The following WDR7 variants were observed in gnomAD, a reference collection of about 807,000 sequenced individuals.
The protein encoded by WDR7 is WD repeat-containing protein 7.
Under a neutral mutation model 169.4 loss-of-function variants are expected in WDR7, and 46 were observed. The observed-to-expected ratio is 0.27, with a 90% CI of 0.21 to 0.35. The LOEUF (loss-of-function observed/expected upper bound fraction) is 0.35, where lower values mean the gene tolerates loss of function less well. WDR7 is among the 10% of genes least tolerant of loss of function. The pLI is 1.00. For synonymous variants in WDR7, 612 were observed against 666.8 expected (o/e 0.92, Z 1.27); for missense variants, 1,534 against 1,859.3 (o/e 0.83, Z 3.22).
intron 18 of WDR7, 111 bp downstream of exon 18, chr18:56,779,660 A>T: frequency 3.8e-6 from 3 of 791,684 alleles, no homozygotes; most frequent in East Asian, 2.8e-5. Context: ...TCTGTTCATT[A>T]TGTGATAGAA....
At chr18:56,737,376 A>G (rs541971096) in intron 14 of WDR7, among the ~76,000 whole-genome samples, 2 of 152,324 alleles carry the variant, frequency 1.3e-5, no homozygotes, top group East Asian at 1.9e-4. Context: ...CTAGAAAACC[A>G]TTACTGCCGT....
chr18:56,754,385 A>G (rs576217185), intron 14 of WDR7, among the ~76,000 whole-genome samples: 6 of 150,244 alleles, frequency 4.0e-5, no homozygotes, highest in Admixed American at 2.7e-4. Context: ...ATATATGTGT[A>G]TATATACGTG....
At chr18:56,841,661 ACT>A (rs1267222903) in intron 20 of WDR7, among the ~76,000 whole-genome samples, 2 of 152,140 alleles carry the variant, frequency 1.3e-5, no homozygotes, top group Admixed American at 6.5e-5. Flanking sequence ...AAGTTACATA[ACT>A]CTGTTGAATT....
chr18:57,022,062 T>C (rs1290382155), intron 27 of WDR7, among the ~76,000 whole-genome samples: 2 of 152,250 alleles, frequency 1.3e-5, no homozygotes, highest in African/African-American at 4.8e-5. Flanking sequence ...AATTCGCTCA[T>C]ATTAAACTCC....
intron 26 of WDR7, among the ~76,000 whole-genome samples, chr18:56,967,384 G>A (rs544008087): frequency 1.3e-5 from 2 of 152,156 alleles, no homozygotes; most frequent in South Asian, 4.2e-4. Context: ...GAACATACCT[G>A]ACTGGAATTT....
At chr18:56,661,169 A>G (rs971297955) in intron 1 of WDR7, among the ~76,000 whole-genome samples, 8 of 152,128 alleles carry the variant, frequency 5.3e-5, no homozygotes, top group Admixed American at 3.3e-4. Flanking sequence ...TTTGATGGCA[A>G]CCTAAGGGAA....
intron 13 of WDR7, among the ~76,000 whole-genome samples, chr18:56,719,921 GT>G: frequency 6.6e-6 from 1 of 152,132 alleles, no homozygotes; most frequent in Admixed American, 6.5e-5. Flanking sequence ...GAATGTAAGT[GT>G]GTTTATATGT....
chr18:56,730,634 C>T (rs1448923762), intron 13 of WDR7, among the ~76,000 whole-genome samples: 2 of 151,966 alleles, frequency 1.3e-5, no homozygotes, highest in East Asian at 1.9e-4. Context: ...GGCGTGATGG[C>T]GGGCACCTGT....
intron 16 of WDR7, among the ~76,000 whole-genome samples, chr18:56,765,549 T>C (rs1367315080): frequency 1.3e-5 from 2 of 152,106 alleles, no homozygotes; most frequent in South Asian, 4.1e-4. Context: ...CTGGTCTTTA[T>C]GCTACTGTTG....
intron 14 of WDR7, among the ~76,000 whole-genome samples, chr18:56,754,067 A>G (rs2043835575): frequency 6.6e-6 from 1 of 152,004 alleles, no homozygotes; most frequent in African/African-American, 2.4e-5. Flanking sequence ...AATTACTATT[A>G]ATATTTTCAC....
intron 23 of WDR7, among the ~76,000 whole-genome samples, chr18:56,938,089 A>ATCAGAGGC (rs1297187333): frequency 6.6e-6 from 1 of 152,158 alleles, no homozygotes; most frequent in Non-Finnish European, 1.5e-5. Context: ...AGTCTTGCTA[A>ATCAGAGGC]TCAGAGGCTC....
At position 57,027,706 on chromosome 18, in the gene WDR7, A is replaced by G. The variant is rs2048387765; in HGVS notation, c.*499A>G. ...TTACCTAAAATATTGTTTACCAAAA[A>G]GATTCTGTGTTTACATGTTCTTTTC... On this transcript the variant is annotated 3_prime_UTR_variant, in exon 28 of 28. Coordinates refer to ENST00000254442, the MANE Select transcript of WDR7 (RefSeq NM_015285.3). 1.3e-5 allele frequency: 2 copies of G among 154,616 alleles called. No individual in the cohort carries two copies. The highest frequency in any genetic ancestry group is 4.1e-4 in the South Asian group (2 of 4,908). 9.6% of individuals were successfully genotyped at this position (154,616 alleles called of 1,614,324 possible).
intron 13 of WDR7, among the ~76,000 whole-genome samples, chr18:56,722,328 G>T (rs2026340038): frequency 6.6e-6 from 1 of 152,164 alleles, no homozygotes; most frequent in African/African-American, 2.4e-5. Context: ...GAATCAGGAG[G>T]TAGTGTTGAA....
intron 14 of WDR7, among the ~76,000 whole-genome samples, chr18:56,740,682 G>C (rs893603809): frequency 1.3e-5 from 2 of 152,080 alleles, no homozygotes; most frequent in African/African-American, 4.8e-5. Flanking sequence ...TTCCAACAGA[G>C]AGCCCAGAAT....
At chr18:56,998,972 GT>G (rs2047937115) in intron 26 of WDR7, among the ~76,000 whole-genome samples, 1 of 152,286 alleles carries the variant, frequency 6.6e-6, no homozygotes, top group African/African-American at 2.4e-5. Flanking sequence ...TTTAGCAACA[GT>G]TTTTCCAACT....
At chr18:56,844,922 GTATAT>G (rs2045545091) in intron 20 of WDR7, among the ~76,000 whole-genome samples, 3 of 152,236 alleles carry the variant, frequency 2.0e-5, no homozygotes, top group African/African-American at 4.8e-5. Context: ...AATTATTACA[GTATAT>G]TATAATTGTA....
At chr18:56,908,395 C>T (rs1046109386) in intron 21 of WDR7, among the ~76,000 whole-genome samples, 4 of 152,190 alleles carry the variant, frequency 2.6e-5, no homozygotes, top group African/African-American at 9.6e-5. Flanking sequence ...TGATTCAGCA[C>T]TTCTTTGATT....
intron 1 of WDR7, among the ~76,000 whole-genome samples, chr18:56,669,024 C>T (rs1051939131): frequency 7.2e-5 from 11 of 151,988 alleles, no homozygotes; most frequent in Admixed American, 7.2e-4. Context: ...TATTATTATC[C>T]ATCTTTTACA....
chr18:56,739,760 G>C (rs185348326), intron 14 of WDR7, among the ~76,000 whole-genome samples: 1,936 of 142,432 alleles, frequency 0.014, 56 homozygotes, highest in African/African-American at 0.056. Context: ...TCTTTTTTTG[G>C]GGGGGGGAAT....
Sources: gnomAD v4.1 joint callset for allele counts (sites outside exome capture counted in the v4.1 genomes callset) on GRCh38, gnomAD v4.1.1 for gene constraint, MANE v1.5 for transcripts, NCBI Gene and HGNC (gene_info 2026-07-23, HGNC 2026-07-21) for gene names.